ANAPC1: variants seen among roughly 807,000 people sequenced by gnomAD.
ANAPC1 encodes anaphase promoting complex subunit 1.
ANAPC1 carries 36 observed loss-of-function variants against 208.0 expected under a neutral mutation model. The ratio of observed to expected loss-of-function variants is 0.17; its 90% CI spans 0.13 to 0.23. ANAPC1 has a LOEUF of 0.23. Among genes scored for constraint, ANAPC1 ranks in the 10% least tolerant of loss-of-function variants. The probability of loss-of-function intolerance (pLI) is 1.00; values close to 1 mark genes in which losing one functional copy is unlikely to be tolerated. For missense variants in ANAPC1, 942 were observed against 2,011.6 expected (o/e 0.47, Z 10.17); for synonymous variants, 378 against 695.2 (o/e 0.54, Z 7.18).
rs183726065 is a variant in ANAPC1 at position 111,855,990 on chromosome 2, C to T, written c.1515+624G>A. 5.9e-5 allele frequency among the ~76,000 whole-genome samples: 9 copies of T among 152,270 alleles called. No individual in the cohort carries two copies. The East Asian group carries it at 1.2e-3, about 20-fold the overall frequency. Reference sequence around the variant, plus strand: ...GTGGCTCACGCCTGTAATCCCAGCACGTTAGGAGGCCGAGGTGGGTGGATC... The same window carrying T: ...GTGGCTCACGCCTGTAATCCCAGCATGTTAGGAGGCCGAGGTGGGTGGATC... On this transcript the variant is annotated intron_variant, in intron 13 of 47. Coordinates refer to ENST00000341068, the MANE Select transcript of ANAPC1 (RefSeq NM_022662.4).
intron 1 of ANAPC1, among the ~76,000 whole-genome samples, chr2:111,883,039 C>A (rs1683396994): frequency 1.3e-5 from 2 of 151,732 alleles, no homozygotes. Flanking sequence ...TGATGGCGGG[C>A]GCCTGTAATC....
At chr2:111,828,270 T>C (rs1679943908) in intron 21 of ANAPC1, among the ~76,000 whole-genome samples, 1 of 151,932 alleles carries the variant, frequency 6.6e-6, no homozygotes, top group South Asian at 2.1e-4. Context: ...AAAAAACAAA[T>C]AGAAAATAAT....
At chr2:111,831,235 A>C in intron 21 of ANAPC1, 51 bp downstream of exon 21, 1 of 1,544,228 alleles carries the variant, frequency 6.5e-7, no homozygotes, top group South Asian at 1.3e-5. Context: ...ACTTTTTAAA[A>C]CTAAATTTTA....
At chr2:111,843,091 T>C (rs1680856670) in intron 17 of ANAPC1, among the ~76,000 whole-genome samples, 1 of 152,198 alleles carries the variant, frequency 6.6e-6, no homozygotes, top group Non-Finnish European at 1.5e-5. Context: ...TGTGATTTCT[T>C]TGTGATCCAG....
rs1683473841 is a variant in ANAPC1, at chr2:111,883,964, G to C, written c.-47C>G. ...CACCTGTATAACTCGGGACGCGTCA[G>C]GCGCGGCGAGCCCCGGCTGCTCCCC... On this transcript the variant is annotated 5_prime_UTR_variant, in exon 1 of 48. Transcript: ENST00000341068. 6.6e-6 allele frequency: 1 copy of C among 152,366 alleles called. No individual in the cohort carries two copies. The highest frequency in any genetic ancestry group is 1.5e-5 in the Non-Finnish European group (1 of 68,148). The allele number at this position is 152,366 out of a possible 1,614,324, so 9.4% of individuals were successfully genotyped here.
At chr2:111,839,807 G>A (rs1680663838) in intron 17 of ANAPC1, among the ~76,000 whole-genome samples, 1 of 151,980 alleles carries the variant, frequency 6.6e-6, no homozygotes. Context: ...GATTCATAAG[G>A]CCTGGAGTTA....
chr2:111,864,457 T>C (rs1169799588), intron 8 of ANAPC1, among the ~76,000 whole-genome samples: 1 of 127,394 alleles, frequency 7.8e-6, no homozygotes, highest in Non-Finnish European at 1.6e-5. Context: ...TTCATATATA[T>C]ATATACTTTT....
chr2:111,844,261 C>T (rs140121220), intron 16 of ANAPC1, among the ~76,000 whole-genome samples: 3,292 of 152,056 alleles, frequency 0.022, 110 homozygotes, highest in African/African-American at 0.074. Context: ...TGTTCTAGCT[C>T]GGGTGACAAA....
intron 1 of ANAPC1, 48 bp downstream of exon 1, chr2:111,883,879 GACGGGTGCGAGAGTC>G (rs1683466125): frequency 6.6e-6 from 1 of 152,388 alleles, no homozygotes; most frequent in African/African-American, 2.4e-5. Context: ...TCGGCCTCGG[GACGGGTGCGAGAGTC>G]ACGCGGCGCG....
chr2:111,838,520 G>A lies in ANAPC1; in HGVS notation c.2041-8C>T, dbSNP rs1361365113. ...TGATCCTTCAAAGTCAAACTGAAAA[G>A]TAACCCCAAAAGAAAAGATAAAAAT... On this transcript the variant is annotated splice_polypyrimidine_tract_variant and splice_region_variant and intron_variant, in intron 17 of 47. Transcript: ENST00000341068. 4 of 1,595,280 alleles carry A rather than the reference G, an allele frequency of 2.5e-6. No individual in the cohort carries two copies. Among genetic ancestry groups the A allele is most frequent in the Non-Finnish European group, 3.4e-6 (4 of 1,173,556 alleles).
chr2:111,775,759 T>C (rs1447944600), intron 46 of ANAPC1, among the ~76,000 whole-genome samples: 56 of 152,072 alleles, frequency 3.7e-4, no homozygotes, highest in African/African-American at 1.3e-3. Flanking sequence ...TTATTATCAA[T>C]AGCAAAGGTC....
rs1304298875 is a variant in ANAPC1, at chr2:111,768,977, A to G, written c.*314T>C. 6.0e-6 allele frequency: 2 copies of G among 333,374 alleles called. No homozygotes were observed. Among genetic ancestry groups the G allele is most frequent in the Admixed American group, 9.1e-5 (2 of 22,038 alleles). The allele number at this position is 333,374 out of a possible 1,614,324, so 20.7% of individuals were successfully genotyped here. A position where few individuals can be genotyped will look rare whatever the true frequency, so the allele number is the denominator to read the frequency against. The stretch of plus-strand genomic sequence containing the variant: ...ATAGTCACTTCACCTATACCACCAC[A>G]GTTCAAAGACTTTAAAAATCAATAT... On this transcript the variant is annotated 3_prime_UTR_variant, in exon 48 of 48. Transcript: ENST00000341068.
At chr2:111,863,390 G>A (rs542963203) in intron 9 of ANAPC1, among the ~76,000 whole-genome samples, 12 of 151,462 alleles carry the variant, frequency 7.9e-5, no homozygotes, top group South Asian at 4.2e-4. Flanking sequence ...GGTGGCAGGC[G>A]CCTGTAGTCC....
intron 25 of ANAPC1, among the ~76,000 whole-genome samples, chr2:111,821,987 G>T (rs940499213): frequency 5.9e-5 from 9 of 151,866 alleles, no homozygotes; most frequent in Non-Finnish European, 1.2e-4. Context: ...CTATTTAAAA[G>T]GTTAAATTCA....
chr2:111,860,099 A>C (rs1244949620), intron 10 of ANAPC1, among the ~76,000 whole-genome samples: 1 of 151,998 alleles, frequency 6.6e-6, no homozygotes, highest in Non-Finnish European at 1.5e-5. Flanking sequence ...GGAGTTTGAG[A>C]CCAGCCTGGG....
intron 20 of ANAPC1, among the ~76,000 whole-genome samples, 175 bp from the exon 21 acceptor site, chr2:111,831,609 G>A (rs1680135546): frequency 6.6e-6 from 1 of 151,964 alleles, no homozygotes; most frequent in Non-Finnish European, 1.5e-5. Context: ...GGAGGCCCAA[G>A]CAGGTGGATC....
chr2:111,874,842 G>A (rs1217762202), intron 3 of ANAPC1, among the ~76,000 whole-genome samples: 1 of 152,122 alleles, frequency 6.6e-6, no homozygotes, highest in African/African-American at 2.4e-5. Flanking sequence ...TTCAAGAGAT[G>A]GGGTCTCACT....
At chr2:111,772,290 A>G (rs761261411) in intron 47 of ANAPC1, 51 bp downstream of exon 47, 4 of 1,613,594 alleles carry the variant, frequency 2.5e-6, no homozygotes, top group East Asian at 2.2e-5. Context: ...ACTAGAACAT[A>G]AAGGGGTAGG....
intron 44 of ANAPC1, chr2:111,779,680 T>C (rs559336985): frequency 6.5e-6 from 1 of 153,712 alleles, no homozygotes; most frequent in African/African-American, 2.4e-5. Flanking sequence ...CTACAAAAAA[T>C]TTTTTTAAAA....
Sources: allele counts gnomAD v4.1 joint callset (sites outside exome capture counted in the v4.1 genomes callset), GRCh38; gene constraint gnomAD v4.1.1; transcripts MANE v1.5; gene names NCBI Gene and HGNC (gene_info 2026-07-23, HGNC 2026-07-21).